B3GALT1: variants seen among roughly 807,000 people sequenced by gnomAD.
B3GALT1 encodes the protein beta-1,3-galactosyltransferase 1.
In B3GALT1, 10 loss-of-function variants were observed where a neutral mutation model predicts 23.2. That is an observed-to-expected ratio of 0.43 (90% CI 0.27 to 0.73). The LOEUF is 0.73. Among genes scored for constraint, B3GALT1 ranks in the 30% least tolerant of loss-of-function variants. The pLI, the probability that B3GALT1 is intolerant of heterozygous loss-of-function variation, is 0.21. For synonymous variants in B3GALT1, 156 were observed against 141.5 expected, an observed-to-expected ratio of 1.10 and a Z score of -0.73; for missense variants, 299 against 405.4, an observed-to-expected ratio of 0.74 and a Z score of 2.25.
intron 3 of B3GALT1, among the ~76,000 whole-genome samples, chr2:167,658,886 G>C (rs911980170): frequency 3.3e-5 from 5 of 152,004 alleles, no homozygotes; most frequent in African/African-American, 1.2e-4. Flanking sequence ...TGTGTATCTG[G>C]TAAAACTTTG....
At chr2:167,700,318 A>G (rs1021662046) in intron 3 of B3GALT1, among the ~76,000 whole-genome samples, 124 of 152,320 alleles carry the variant, frequency 8.1e-4, no homozygotes, top group African/African-American at 2.8e-3. Context: ...TTAGCAATCT[A>G]TATGGGAAAG....
chr2:167,808,953 T>C (rs925289088), intron 3 of B3GALT1, among the ~76,000 whole-genome samples: 1 of 152,194 alleles, frequency 6.6e-6, no homozygotes, highest in Non-Finnish European at 1.5e-5. Flanking sequence ...TTTCACATAG[T>C]CCCATATTTC....
chr2:167,778,078 G>A (rs1574257950), intron 3 of B3GALT1, among the ~76,000 whole-genome samples: 1 of 152,080 alleles, frequency 6.6e-6, no homozygotes, highest in Non-Finnish European at 1.5e-5. Context: ...AATGAATTTC[G>A]GGGTAATCTG....
At chr2:167,337,361 ACT>A (rs1368465042) in intron 1 of B3GALT1, among the ~76,000 whole-genome samples, 1 of 151,600 alleles carries the variant, frequency 6.6e-6, no homozygotes, top group Non-Finnish European at 1.5e-5. Context: ...ACACACACAC[ACT>A]CTCACACCAT....
intron 2 of B3GALT1, among the ~76,000 whole-genome samples, chr2:167,618,630 G>A (rs763436730): frequency 6.6e-6 from 1 of 151,980 alleles, no homozygotes; most frequent in Admixed American, 6.6e-5. Flanking sequence ...AAAATTTCTA[G>A]TCTAGGTCAA....
At chr2:167,475,450 GT>G (rs747737716) in intron 1 of B3GALT1, among the ~76,000 whole-genome samples, 50 of 152,154 alleles carry the variant, frequency 3.3e-4, no homozygotes, top group Non-Finnish European at 6.3e-4. Flanking sequence ...AAAGGTGAAA[GT>G]TTTTGACCTA....
At chr2:167,325,584 G>A (rs988327144) in intron 1 of B3GALT1, among the ~76,000 whole-genome samples, 7 of 151,992 alleles carry the variant, frequency 4.6e-5, no homozygotes, top group South Asian at 2.1e-4. Flanking sequence ...CCAACATCGG[G>A]GCTTACAATT....
chr2:167,336,349 G>A (rs761282493), intron 1 of B3GALT1, among the ~76,000 whole-genome samples: 11 of 152,172 alleles, frequency 7.2e-5, no homozygotes, highest in Non-Finnish European at 1.3e-4. Flanking sequence ...TACCCAGGAA[G>A]ACAATTTACT....
At chr2:167,371,652 C>T (rs1697688812) in intron 1 of B3GALT1, among the ~76,000 whole-genome samples, 1 of 151,940 alleles carries the variant, frequency 6.6e-6, no homozygotes, top group Admixed American at 6.6e-5. Flanking sequence ...AGAGATTATC[C>T]AATCTAATCC....
At chr2:167,564,281 C>T (rs1436258388) in intron 2 of B3GALT1, among the ~76,000 whole-genome samples, 98 of 150,712 alleles carry the variant, frequency 6.5e-4, no homozygotes, top group African/African-American at 2.1e-3. Context: ...CGGGCAGAGA[C>T]GCTCCCCCCC....
At chr2:167,310,934 A>T (rs187530277) in intron 1 of B3GALT1, among the ~76,000 whole-genome samples, 1 of 152,096 alleles carries the variant, frequency 6.6e-6, no homozygotes, top group African/African-American at 2.4e-5. Flanking sequence ...GGACAGTGGC[A>T]GAAACTAAGG....
chr2:167,441,451 G>A (rs6725730), intron 1 of B3GALT1, among the ~76,000 whole-genome samples: 16,361 of 152,060 alleles, frequency 0.11, 970 homozygotes, highest in African/African-American at 0.17. Flanking sequence ...TTTGTTACAA[G>A]GATCTTCTGA....
At chr2:167,308,697 C>T (rs1285813910) in intron 1 of B3GALT1, among the ~76,000 whole-genome samples, 1 of 151,838 alleles carries the variant, frequency 6.6e-6, no homozygotes, top group East Asian at 1.9e-4. Flanking sequence ...TTCCTGTTAG[C>T]TTTTTCCCCT....
chr2:167,684,248 G>A (rs1278714573), intron 3 of B3GALT1, among the ~76,000 whole-genome samples: 1 of 152,178 alleles, frequency 6.6e-6, no homozygotes, highest in African/African-American at 2.4e-5. Context: ...TTTGCTAGGT[G>A]AATCAATGAT....
At chr2:167,731,399 T>A (rs1311913421) in intron 3 of B3GALT1, among the ~76,000 whole-genome samples, 1 of 152,174 alleles carries the variant, frequency 6.6e-6, no homozygotes, top group African/African-American at 2.4e-5. Context: ...TTAAAAGGTT[T>A]CATATTTTGT....
intron 1 of B3GALT1, among the ~76,000 whole-genome samples, chr2:167,304,064 C>T (rs1036367944): frequency 1.3e-5 from 2 of 152,112 alleles, no homozygotes; most frequent in African/African-American, 4.8e-5. Flanking sequence ...CCATTCTTCC[C>T]CAATTAATAC....
At chr2:167,461,793 A>AATCACAGATATTTTAATATTTTATATGT (rs1411835638) in intron 1 of B3GALT1, among the ~76,000 whole-genome samples, 22 of 152,196 alleles carry the variant, frequency 1.4e-4, no homozygotes, top group African/African-American at 5.1e-4. Context: ...TAATTATTTT[A>AATCACAGATATTTTAATATTTTATATGT]ATCACAGATA....
intron 1 of B3GALT1, among the ~76,000 whole-genome samples, chr2:167,445,175 T>G (rs1312328555): frequency 6.6e-6 from 1 of 152,228 alleles, no homozygotes; most frequent in Non-Finnish European, 1.5e-5. Flanking sequence ...TTGAGCAGTT[T>G]GGAGTGAGTT....
intron 4 of B3GALT1, among the ~76,000 whole-genome samples, chr2:167,863,465 C>A (rs563961835): frequency 6.6e-6 from 1 of 152,146 alleles, no homozygotes; most frequent in Non-Finnish European, 1.5e-5. Flanking sequence ...TTGTTAATAC[C>A]TGTGATGTAT....
Sources: allele counts gnomAD v4.1 joint callset (sites outside exome capture counted in the v4.1 genomes callset), GRCh38; gene constraint gnomAD v4.1.1; transcripts MANE v1.5; gene names NCBI Gene and HGNC (gene_info 2026-07-23, HGNC 2026-07-21).